TRHDE: variants seen among roughly 807,000 people sequenced by gnomAD.
TRHDE encodes thyrotropin releasing hormone degrading enzyme.
A neutral mutation model predicts 125.7 loss-of-function variants in TRHDE; 72 were observed. That is an observed-to-expected ratio of 0.57 (90% CI 0.47 to 0.70). TRHDE has a LOEUF of 0.70. Ranked by LOEUF, TRHDE falls within the 30% of genes least tolerant of loss-of-function variation. The pLI is 0.00. For missense variants in TRHDE, 1,110 were observed against 1,327.1 expected (o/e 0.84, Z 2.54); for synonymous variants, 509 against 509.1 (o/e 1.00, Z 0.00).
chr12:72,094,732 A>T (rs1231369393), intron 1 of TRHDE, among the ~76,000 whole-genome samples: 1 of 152,224 alleles, frequency 6.6e-6, no homozygotes, highest in African/African-American at 2.4e-5. Flanking sequence ...ATCAAGGCCA[A>T]ATAAGGTTGC....
chr12:72,147,368 T>G (rs1326897180), intron 2 of TRHDE, among the ~76,000 whole-genome samples: 1 of 152,174 alleles, frequency 6.6e-6, no homozygotes, highest in East Asian at 1.9e-4. Flanking sequence ...TGTCCTCAGA[T>G]GTACAAGTTC....
chr12:72,280,637 G>A (rs1273812946), intron 1 of TRHDE, among the ~76,000 whole-genome samples: 1 of 152,188 alleles, frequency 6.6e-6, no homozygotes, highest in Non-Finnish European at 1.5e-5. Flanking sequence ...GAGATGGAGA[G>A]GGTTGAGGGA....
chr12:72,670,620 C>G lies in TRHDE; in HGVS notation c.*7425C>G, dbSNP rs1226611414. ...CATGCAAATGGAAAAAAATTATTCT[C>G]TTCTGACATGGACTTTTTCATGACT... On this transcript the variant is annotated 3_prime_UTR_variant, in exon 19 of 19. Transcript: ENST00000261180. 6.6e-6 allele frequency: 1 copy of G among 151,592 alleles called. No individual in the cohort carries two copies. The highest frequency in any genetic ancestry group is 1.5e-5 in the Non-Finnish European group (1 of 67,778). 9.4% of individuals were successfully genotyped at this position (151,592 alleles called of 1,614,324 possible).
chr12:72,107,947 C>T (rs971229017), intron 2 of TRHDE, among the ~76,000 whole-genome samples: 1 of 152,044 alleles, frequency 6.6e-6, no homozygotes, highest in African/African-American at 2.4e-5. Flanking sequence ...TTCTAATCAC[C>T]CAACTAATGA....
At chr12:72,382,391 A>G (rs1872227239) in intron 3 of TRHDE, among the ~76,000 whole-genome samples, 1 of 152,118 alleles carries the variant, frequency 6.6e-6, no homozygotes, top group East Asian at 1.9e-4. Flanking sequence ...TGGCATTTCT[A>G]AAAATGTTCA....
At chr12:72,375,564 G>C (rs1871840731) in intron 2 of TRHDE, among the ~76,000 whole-genome samples, 1 of 152,096 alleles carries the variant, frequency 6.6e-6, no homozygotes, top group African/African-American at 2.4e-5. Context: ...GACATTTGCT[G>C]TATCATTTTA....
At chr12:72,458,223 T>C (rs910440779) in intron 3 of TRHDE, among the ~76,000 whole-genome samples, 3 of 152,190 alleles carry the variant, frequency 2.0e-5, no homozygotes, top group African/African-American at 7.2e-5. Context: ...GCAACTAGTA[T>C]TCTTTGAAAC....
At chr12:72,472,926 A>G (rs1220847790) in intron 4 of TRHDE, 141 bp from the exon 5 acceptor site, 2 of 695,262 alleles carry the variant, frequency 2.9e-6, no homozygotes, top group Non-Finnish European at 2.4e-6. Context: ...CAGTTTTGCC[A>G]CAACACATTT....
chr12:72,637,287 G>A (rs2136094061), intron 15 of TRHDE, among the ~76,000 whole-genome samples: 1 of 152,312 alleles, frequency 6.6e-6, no homozygotes, highest in East Asian at 1.9e-4. Flanking sequence ...TAGTTTATTT[G>A]CATAGAGGTG....
chr12:72,381,732 A>G (rs1468616671), intron 3 of TRHDE, among the ~76,000 whole-genome samples: 1 of 152,224 alleles, frequency 6.6e-6, no homozygotes, highest in Non-Finnish European at 1.5e-5. Context: ...TGTGATTGTA[A>G]GAGAAAGAGA....
intron 2 of TRHDE, among the ~76,000 whole-genome samples, chr12:72,142,593 A>G (rs1025699983): frequency 6.6e-6 from 1 of 152,162 alleles, no homozygotes; most frequent in Non-Finnish European, 1.5e-5. Flanking sequence ...TACCCGTGGC[A>G]CTAAATGAGA....
At position 72,378,101 on chromosome 12, in the gene TRHDE, C is replaced by T. The variant is rs923804375; in HGVS notation, c.1295C>T (p.Pro432Leu). Reference protein sequence around the residue: ...IEFYEDYFKVPYSLPKLDLLA... With the variant: ...IEFYEDYFKVLYSLPKLDLLA... ...TTTTATGAAGACTACTTTAAAGTGC[C>T]CTATTCCTTGCCAAAACTAGGTAAG... The change falls in exon 3 of 19, where the codon CCC (proline) becomes CTC (leucine). Residue 432 changes from proline (P) to leucine (L), a missense_variant. By Grantham distance (98) the Pro-to-Leu change is moderately conservative. This residue lies in a region of TRHDE where 252 missense variants were observed against 274.8 expected (regional missense o/e 0.92). Coordinates refer to ENST00000261180, the MANE Select transcript of TRHDE (RefSeq NM_013381.3). The T allele has an allele frequency of 1.3e-6, 2 of 1,581,374 alleles. No homozygotes were observed. The highest frequency in any genetic ancestry group is 8.5e-7 in the Non-Finnish European group (1 of 1,170,022).
Position 72,273,036 on chromosome 12 carries a change from CGGCGGCAACGGGA to C in TRHDE, c.395_407del (p.Gly132AlafsTer55). On this transcript the variant is annotated frameshift_variant, in exon 1 of 19. Coordinates refer to ENST00000261180, the MANE Select transcript of TRHDE (RefSeq NM_013381.3). LOFTEE classifies it high-confidence loss of function. This position sits in a 1 kb window ranked among gnomAD's most constrained non-coding sequence, Gnocchi z 5.3. Reference sequence around the variant, plus strand: ...GTGGCCCCTCAGGCTTTCCGGAGCGCGGCGGCAACGGGAGCCTCCCTGGATCGGCCCGGCGCAA... The same window carrying C: ...GTGGCCCCTCAGGCTTTCCGGAGCGCGCCTCCCTGGATCGGCCCGGCGCAA... 1 of 1,537,064 alleles carries C rather than the reference CGGCGGCAACGGGA, an allele frequency of 6.5e-7. No individual in the cohort carries two copies. Among genetic ancestry groups the C allele is most frequent in the Non-Finnish European group, 8.7e-7 (1 of 1,146,804 alleles).
intron 3 of TRHDE, among the ~76,000 whole-genome samples, chr12:72,449,387 T>G (rs1054940069): frequency 6.6e-6 from 1 of 152,066 alleles, no homozygotes; most frequent in Admixed American, 6.6e-5. Flanking sequence ...GTTTATTTAG[T>G]ATTTACCTAG....
chr12:72,505,460 G>A (rs965273028), intron 6 of TRHDE, among the ~76,000 whole-genome samples: 2 of 152,146 alleles, frequency 1.3e-5, no homozygotes, highest in African/African-American at 4.8e-5. Context: ...GATGATGAAA[G>A]TGAGTGAATG....
intron 10 of TRHDE, among the ~76,000 whole-genome samples, chr12:72,571,885 T>G (rs1870748980): frequency 6.6e-6 from 1 of 151,700 alleles, no homozygotes; most frequent in Admixed American, 6.6e-5. Flanking sequence ...GCTTGAGAAG[T>G]AATTTGTCCA....
At chr12:72,293,450 G>A (rs775204927) in intron 2 of TRHDE, among the ~76,000 whole-genome samples, 52 of 152,094 alleles carry the variant, frequency 3.4e-4, no homozygotes, top group African/African-American at 8.0e-4. Flanking sequence ...GAGCACTGTG[G>A]GAAGCTCAGA....
intron 12 of TRHDE, among the ~76,000 whole-genome samples, chr12:72,583,609 A>G (rs920154563): frequency 6.6e-6 from 1 of 152,226 alleles, no homozygotes; most frequent in Non-Finnish European, 1.5e-5. Flanking sequence ...ATAGTCTGAA[A>G]ACATTTTCAG....
rs954504135 is a variant in TRHDE, at chr12:72,113,852, A to G, written n.279+8100A>G. On this transcript the variant is annotated intron_variant and non_coding_transcript_variant, in intron 2 of 4. Transcript: ENST00000548156. Reference sequence around the variant, plus strand: ...CCTTGAAAGATGCTTTGAACTTTCTATATGACCTGGGTCCTTTTTTCTTAT... The same window carrying G: ...CCTTGAAAGATGCTTTGAACTTTCTGTATGACCTGGGTCCTTTTTTCTTAT... 3.9e-5 allele frequency among the ~76,000 whole-genome samples: 6 copies of G among 152,288 alleles called. 1 individual carries two copies. Among genetic ancestry groups the G allele is most frequent in the Middle Eastern group, 6.8e-3 (2 of 294 alleles).
Sources: gnomAD v4.1 joint callset for allele counts (sites outside exome capture counted in the v4.1 genomes callset) on GRCh38, gnomAD v4.1.1 for gene constraint, gnomAD v4.1.1 regional missense constraint, Gnocchi (gnomAD v3.1) non-coding constraint, MANE v1.5 for transcripts, NCBI Gene and HGNC (gene_info 2026-07-23, HGNC 2026-07-21) for gene names.